Variants in FAM135B observed in about 807,000 individuals in gnomAD.
The protein encoded by FAM135B is family with sequence similarity 135 member B, also known as protein FAM135B.
In FAM135B, 43 loss-of-function variants were observed where a neutral mutation model predicts 127.7. The observed-to-expected ratio is 0.34, with a 90% CI of 0.26 to 0.43. FAM135B has a LOEUF of 0.43. Ranked by LOEUF, FAM135B falls within the 20% of genes least tolerant of loss-of-function variation. FAM135B has a pLI of 1.00. For missense variants in FAM135B, 1,558 were observed against 1,725.6 expected, an observed-to-expected ratio of 0.90 and a Z score of 1.72; for synonymous variants, 670 against 665.1, an observed-to-expected ratio of 1.01 and a Z score of -0.11.
In FAM135B at chr8:138,267,997, C is replaced by A. The variant is rs143314118; in HGVS notation, c.158-2155G>T. Among the ~76,000 whole-genome samples, 21 of 152,242 alleles carry A rather than the reference C, an allele frequency of 1.4e-4. No individual in the cohort carries two copies. The East Asian group carries it at 4.1e-3, about 29-fold the overall frequency. The stretch of plus-strand genomic sequence containing the variant: ...ATAAGCCAGAATGACAATGTGGCAG[C>A]GGGTGGATGGGGTGAATACCCTGAA... On this transcript the variant is annotated intron_variant, in intron 3 of 19. Transcript: ENST00000395297.
intron 1 of FAM135B, among the ~76,000 whole-genome samples, chr8:138,419,731 C>A (rs1373945577): frequency 1.3e-5 from 2 of 152,132 alleles, no homozygotes; most frequent in Non-Finnish European, 2.9e-5. Flanking sequence ...GGAAATCAAA[C>A]AATTTGCTCT....
chr8:138,466,039 G>A (rs113287193), intron 1 of FAM135B, among the ~76,000 whole-genome samples: 4,271 of 152,196 alleles, frequency 0.028, 156 homozygotes, highest in African/African-American at 0.082. Flanking sequence ...GCCTCCCAAC[G>A]TGCTGGGATT....
At chr8:138,392,558 A>G (rs1203995414) in intron 1 of FAM135B, among the ~76,000 whole-genome samples, 1 of 152,070 alleles carries the variant, frequency 6.6e-6, no homozygotes, top group African/African-American at 2.4e-5. Context: ...TTTAAGTCAC[A>G]GAGTCTAGCT....
intron 19 of FAM135B, among the ~76,000 whole-genome samples, chr8:138,134,950 C>T (rs1304721566): frequency 1.3e-5 from 2 of 152,084 alleles, no homozygotes; most frequent in Non-Finnish European, 2.9e-5. Flanking sequence ...ATAAGCAAAG[C>T]GCATGAATTG....
chr8:138,406,594 G>A (rs997527130), intron 1 of FAM135B, among the ~76,000 whole-genome samples: 263 of 152,194 alleles, frequency 1.7e-3, no homozygotes, highest in African/African-American at 5.9e-3. Flanking sequence ...GGGATGCAAG[G>A]CTGGTTCAAT....
At chr8:138,294,163 T>C (rs1368877062) in intron 3 of FAM135B, among the ~76,000 whole-genome samples, 10 of 152,130 alleles carry the variant, frequency 6.6e-5, no homozygotes, top group African/African-American at 2.4e-4. Flanking sequence ...CCAAATACTG[T>C]ATGTTCTTAT....
intron 1 of FAM135B, chr8:138,459,176 G>T (rs1836980386): frequency 1.3e-5 from 2 of 152,136 alleles, no homozygotes; most frequent in African/African-American, 2.4e-5. Flanking sequence ...ATCAAAGAAG[G>T]ACATTAAAGG....
intron 1 of FAM135B, among the ~76,000 whole-genome samples, chr8:138,479,092 C>T (rs567146194): frequency 6.8e-4 from 103 of 152,096 alleles, no homozygotes; most frequent in Non-Finnish European, 1.3e-3. Flanking sequence ...ACAAAGGATG[C>T]AACTCAAAAA....
chr8:138,222,166 G>A (rs1383036486), intron 7 of FAM135B, among the ~76,000 whole-genome samples: 1 of 152,110 alleles, frequency 6.6e-6, no homozygotes, highest in African/African-American at 2.4e-5. Context: ...CAACTGAGAG[G>A]TAAGGGGATA....
intron 1 of FAM135B, among the ~76,000 whole-genome samples, chr8:138,444,148 A>C (rs1341228243): frequency 6.6e-6 from 1 of 152,184 alleles, no homozygotes; most frequent in African/African-American, 2.4e-5. Flanking sequence ...CAGATTCATA[A>C]AGCAAGTCCT....
intron 13 of FAM135B, among the ~76,000 whole-genome samples, chr8:138,150,526 G>C (rs1818038288): frequency 6.6e-6 from 1 of 152,054 alleles, no homozygotes; most frequent in South Asian, 2.1e-4. Context: ...AAATTAGCTG[G>C]GTGTGGTGGT....
chr8:138,243,008 T>C lies in FAM135B; in HGVS notation c.603A>G (p.Glu201=), dbSNP rs1374925299. Residue 201 remains glutamate (E), a synonymous_variant, in exon 7 of 20, where the codon GAA becomes GAG. Transcript: ENST00000395297. The surrounding 1 kb of genome is among the most constrained non-coding windows in gnomAD (Gnocchi z 7.5). ...LGKGGPDTGQ[E]QSIISLENLV... is the part of the protein sequence containing the mutation. The stretch of plus-strand genomic sequence containing the variant: ...AGTTTTCCAGAGAAATGATAGACTG[T>C]TCTTGTCCGGTGTCTGGGCCACCTT... 7 of 1,613,970 alleles carry C rather than the reference T, an allele frequency of 4.3e-6. No individual in the cohort carries two copies. Among genetic ancestry groups the C allele is most frequent in the Admixed American group, 3.3e-5 (2 of 59,990 alleles).
chr8:138,442,120 T>C (rs1368778570), intron 1 of FAM135B, among the ~76,000 whole-genome samples: 1 of 150,602 alleles, frequency 6.6e-6, no homozygotes, highest in Non-Finnish European at 1.5e-5. Context: ...AAACTGAGGG[T>C]CTTAAACTAT....
At chr8:138,402,274 G>A (rs1833197954) in intron 1 of FAM135B, among the ~76,000 whole-genome samples, 1 of 152,030 alleles carries the variant, frequency 6.6e-6, no homozygotes, top group Non-Finnish European at 1.5e-5. Flanking sequence ...TTGTATAAAG[G>A]CCTATGAAGT....
chr8:138,145,520 G>A (rs1817575382), intron 15 of FAM135B, among the ~76,000 whole-genome samples: 1 of 152,068 alleles, frequency 6.6e-6, no homozygotes, highest in South Asian at 2.1e-4. Context: ...GATAAAATGG[G>A]GAAACAGGTA....
At chr8:138,176,847 C>G (rs1814520286) in intron 11 of FAM135B, among the ~76,000 whole-genome samples, 1 of 152,192 alleles carries the variant, frequency 6.6e-6, no homozygotes, top group Non-Finnish European at 1.5e-5. Context: ...GTGACCTCAT[C>G]CTCCCTCAAC....
At chr8:138,374,775 C>T (rs999520489) in intron 1 of FAM135B, among the ~76,000 whole-genome samples, 8 of 152,336 alleles carry the variant, frequency 5.3e-5, no homozygotes, top group African/African-American at 1.9e-4. Context: ...CCTTTCTCCA[C>T]TTCTGTCGGG....
At chr8:138,383,371 C>A (rs1483116438) in intron 1 of FAM135B, among the ~76,000 whole-genome samples, 4 of 152,182 alleles carry the variant, frequency 2.6e-5, no homozygotes, top group Non-Finnish European at 5.9e-5. Flanking sequence ...ACATATCTAG[C>A]AGGGAAAGGT....
At chr8:138,462,428 A>G (rs1384866671) in intron 1 of FAM135B, among the ~76,000 whole-genome samples, 1 of 152,092 alleles carries the variant, frequency 6.6e-6, no homozygotes, top group Non-Finnish European at 1.5e-5. Flanking sequence ...AATGAAGTCA[A>G]CTCCAAGGGA....
Sources: allele counts gnomAD v4.1 joint callset (sites outside exome capture counted in the v4.1 genomes callset), GRCh38; gene constraint gnomAD v4.1.1; non-coding constraint Gnocchi (gnomAD v3.1); transcripts MANE v1.5; gene names NCBI Gene and HGNC (gene_info 2026-07-23, HGNC 2026-07-21).